The following CERS5 variants were observed in gnomAD, a reference collection of about 807,000 sequenced individuals.
CERS5 encodes the protein LAG1 homolog, ceramide synthase 5.
CERS5 carries 37 observed loss-of-function variants against 58.9 expected under a neutral mutation model. The ratio of observed to expected loss-of-function variants is 0.63; its 90% confidence interval spans 0.48 to 0.83. The LOEUF is 0.83. CERS5 is among the 40% of genes least tolerant of loss of function. The pLI is 0.00. For missense variants in CERS5, 398 were observed against 489.3 expected, an observed-to-expected ratio of 0.81 and a Z score of 1.76; for synonymous variants, 147 against 177.8, an observed-to-expected ratio of 0.83 and a Z score of 1.38.
chr12:50,133,181 GATC>G (rs1951432077), intron 9 of CERS5: 7 of 1,201,142 alleles, frequency 5.8e-6, no homozygotes, highest in Non-Finnish European at 7.4e-6. Context: ...TGATGCAGGA[GATC>G]ATCAATATCT....
intron 1 of CERS5, among the ~76,000 whole-genome samples, chr12:50,159,313 ACT>A (rs946843400): frequency 2.6e-5 from 4 of 152,086 alleles, no homozygotes; most frequent in African/African-American, 9.7e-5. Flanking sequence ...ACAGGGCGAG[ACT>A]CTGTCTCAAA....
chr12:50,148,944 ATATGTG>A (rs1426361186), intron 1 of CERS5, among the ~76,000 whole-genome samples: 5 of 121,228 alleles, frequency 4.1e-5, no homozygotes, highest in South Asian at 2.7e-4. Flanking sequence ...ATATATATAT[ATATGTG>A]TGTGTGTGTG....
intron 1 of CERS5, 191 bp from the exon 2 acceptor site, chr12:50,144,248 G>A (rs1952138500): frequency 4.0e-6 from 2 of 495,480 alleles, no homozygotes; most frequent in South Asian, 2.6e-5. Flanking sequence ...GGGTGACAAT[G>A]TTCACCAGCC....
chr12:50,155,736 CA>C (rs146913126), intron 1 of CERS5, among the ~76,000 whole-genome samples: 216 of 21,450 alleles, frequency 0.01, no homozygotes, highest in African/African-American at 0.029. Context: ...GACTCCATCT[CA>C]AAAAAAAAAA....
chr12:50,134,468 G>T (rs1292670759), intron 9 of CERS5, 78 bp downstream of exon 9: 1 of 1,611,908 alleles, frequency 6.2e-7, no homozygotes, highest in Non-Finnish European at 8.5e-7. Flanking sequence ...GGCTCACCAG[G>T]TTTGATGGAG....
chr12:50,143,557 G>C (rs1162381468), intron 2 of CERS5: 1 of 255,876 alleles, frequency 3.9e-6, no homozygotes, highest in Non-Finnish European at 7.4e-6. Flanking sequence ...GACCAGCCTG[G>C]GCAACATGGC....
chr12:50,156,376 C>A (rs569308776), intron 1 of CERS5, among the ~76,000 whole-genome samples: 60 of 138,542 alleles, frequency 4.3e-4, no homozygotes, highest in Admixed American at 1.4e-3. Flanking sequence ...TGCACTCCAG[C>A]CTGGGTGACA....
At chr12:50,159,411 T>G (rs908102708) in intron 1 of CERS5, among the ~76,000 whole-genome samples, 6 of 152,234 alleles carry the variant, frequency 3.9e-5, no homozygotes, top group African/African-American at 1.4e-4. Flanking sequence ...TTATTTTTAC[T>G]AAAATGTCTT....
At chr12:50,132,717 CAG>C (rs1423465556) in intron 9 of CERS5, among the ~76,000 whole-genome samples, 1 of 103,876 alleles carries the variant, frequency 9.6e-6, no homozygotes, top group Non-Finnish European at 2.0e-5. Context: ...CACTAGAGGG[CAG>C]AGTGTCTCTA....
At chr12:50,135,898 A>G (rs769330352) in intron 7 of CERS5, 43 bp downstream of exon 7, 2 of 1,581,806 alleles carry the variant, frequency 1.3e-6, no homozygotes, top group Non-Finnish European at 8.6e-7. Context: ...TAGGAAGAAA[A>G]GAAGAGAAGA....
rs200836439 is a variant in CERS5, at chr12:50,162,595, A to ATC, written c.197+4504_197+4505dup. ...ACTAATTGTCCCAATATACCTCTTT[A>ATC]TCTCTCTCTCTCTCTTTTTTTTTTT... On this transcript the variant is annotated intron_variant, in intron 1 of 9. Transcript: ENST00000317551. Among the ~76,000 whole-genome samples the ATC allele has an allele frequency of 3.3e-5, 5 of 150,454 alleles. No individual in the cohort carries two copies. In the South Asian group the frequency reaches 6.3e-4, roughly 19 times the overall value.
At chr12:50,144,745 T>C (rs566275961) in intron 1 of CERS5, 11 of 1,430,580 alleles carry the variant, frequency 7.7e-6, no homozygotes, top group Middle Eastern at 3.5e-4. Flanking sequence ...TAATAAGGCA[T>C]ATAAACTTGG....
intron 1 of CERS5, among the ~76,000 whole-genome samples, chr12:50,147,725 C>T (rs1297487206): frequency 6.6e-6 from 1 of 152,196 alleles, no homozygotes; most frequent in Non-Finnish European, 1.5e-5. Flanking sequence ...CTACTCTTCT[C>T]ACAGTTTTTT....
At chr12:50,137,310 G>A (rs117402527) in intron 6 of CERS5, among the ~76,000 whole-genome samples, 90 of 152,254 alleles carry the variant, frequency 5.9e-4, no homozygotes, top group Non-Finnish European at 9.3e-4. Context: ...CTTTCTTTGA[G>A]TAAGTGGGGT....
intron 1 of CERS5, among the ~76,000 whole-genome samples, chr12:50,158,060 C>CAAAAAAAAA (rs11388385): frequency 1.2e-5 from 1 of 81,372 alleles, no homozygotes; most frequent in African/African-American, 4.8e-5. Flanking sequence ...AGACCATGAC[C>CAAAAAAAAA]AAAAAAAAAA....
intron 4 of CERS5, among the ~76,000 whole-genome samples, chr12:50,139,670 G>A (rs1951862352): frequency 2.0e-5 from 3 of 152,006 alleles, no homozygotes; most frequent in South Asian, 4.1e-4. Flanking sequence ...GCGTATTCCT[G>A]TAGTCCCAGC....
At chr12:50,134,938 CATT>C (rs1951551066) in intron 8 of CERS5, 1 of 527,426 alleles carries the variant, frequency 1.9e-6, no homozygotes, top group African/African-American at 1.9e-5. Context: ...GATTAAGTCA[CATT>C]ATTAATCACT....
In CERS5 at chr12:50,134,360, C is replaced by T. The variant is rs763325908; in HGVS notation, c.1029+186G>A. 4 of 1,481,896 alleles carry T rather than the reference C, an allele frequency of 2.7e-6. No homozygotes were observed. The African/African-American group carries it at 5.6e-5, about 21-fold the overall frequency. 91.8% of individuals were successfully genotyped at this position (1,481,896 alleles called of 1,614,324 possible). On this transcript the variant is annotated intron_variant, in intron 9 of 9. Transcript: ENST00000317551. ...CTGAACTCCAGCCTGGGTGACAGAGCAAGACCTTGTCTCTAAAATAAAAAA... is the reference window on the plus strand; with the variant it reads ...CTGAACTCCAGCCTGGGTGACAGAGTAAGACCTTGTCTCTAAAATAAAAAA...
intron 1 of CERS5, among the ~76,000 whole-genome samples, chr12:50,155,011 C>T (rs946241957): frequency 1.7e-4 from 26 of 152,068 alleles, no homozygotes; most frequent in Non-Finnish European, 3.2e-4. Flanking sequence ...GCGTGCACCA[C>T]CATGCCTGGT....
Sources: allele counts gnomAD v4.1 joint callset (sites outside exome capture counted in the v4.1 genomes callset), GRCh38; gene constraint gnomAD v4.1.1; transcripts MANE v1.5; gene names NCBI Gene and HGNC (gene_info 2026-07-23, HGNC 2026-07-21).